RBFOX1: variants seen among roughly 807,000 people sequenced by gnomAD.
The protein encoded by RBFOX1 is RNA binding protein fox-1 homolog 1.
RBFOX1 carries 8 observed loss-of-function variants against 57.7 expected under a neutral mutation model. The observed-to-expected ratio is 0.14, with a 90% CI of 0.08 to 0.25. RBFOX1 has a LOEUF of 0.25. Among genes scored for constraint, RBFOX1 ranks in the 10% least tolerant of loss-of-function variants. The probability of loss-of-function intolerance (pLI) is 1.00; values close to 1 mark genes in which losing one functional copy is unlikely to be tolerated. For synonymous variants in RBFOX1, 326 were observed against 222.4 expected, an observed-to-expected ratio of 1.47 and a Z score of -4.15; for missense variants, 611 against 548.5, an observed-to-expected ratio of 1.11 and a Z score of -1.14.
At chr16:6,015,932 A>G (rs1360052951), upstream of RBFOX1, among the ~76,000 whole-genome samples, 3 of 152,246 alleles carry the variant, frequency 2.0e-5, no homozygotes, top group Non-Finnish European at 2.9e-5. Context: ...AATGGTTTAC[A>G]TGGGGGACTA....
At chr16:5,740,841 T>C (rs2052746132) in intron 3 of RBFOX1, among the ~76,000 whole-genome samples, 1 of 152,120 alleles carries the variant, frequency 6.6e-6, no homozygotes, top group Non-Finnish European at 1.5e-5. Context: ...TCTCCTTGTC[T>C]CTGATGAGGA....
chr16:6,970,749 T>C (rs539323244), intron 3 of RBFOX1, among the ~76,000 whole-genome samples: 3 of 152,318 alleles, frequency 2.0e-5, no homozygotes, highest in South Asian at 2.1e-4. Context: ...TGGGGACATA[T>C]ACATTCAGAC....
chr16:7,281,280 G>A (rs941091460), intron 4 of RBFOX1, among the ~76,000 whole-genome samples: 4 of 151,714 alleles, frequency 2.6e-5, no homozygotes, highest in African/African-American at 9.7e-5. Context: ...TGGGACTACA[G>A]GCGTGAGCCA....
chr16:7,520,274 A>G lies in RBFOX1; in HGVS notation c.270+1885A>G, dbSNP rs371014710. Among the ~76,000 whole-genome samples, 113 of 152,328 alleles carry G rather than the reference A, an allele frequency of 7.4e-4. 1 individual carries two copies. Among genetic ancestry groups the G allele is most frequent in the African/African-American group, 2.6e-3 (106 of 41,566 alleles). On this transcript the variant is annotated intron_variant, in intron 5 of 15. Transcript: ENST00000550418. ...TTTAATTTATTGTGGTAAAATACAT[A>G]TAACATAAAACTTAACCATTTTAAT...
At chr16:7,403,226 G>GT (rs1162856455) in intron 4 of RBFOX1, among the ~76,000 whole-genome samples, 2 of 152,244 alleles carry the variant, frequency 1.3e-5, no homozygotes, top group South Asian at 2.1e-4. Context: ...TCAGAGTTCC[G>GT]TTTTTTGGTG....
At chr16:6,557,761 A>C (rs199600091) in intron 2 of RBFOX1, among the ~76,000 whole-genome samples, 3 of 152,210 alleles carry the variant, frequency 2.0e-5, no homozygotes, top group Non-Finnish European at 4.4e-5. Context: ...GCTGTGAAAA[A>C]TTTCAGACGG....
At chr16:5,282,892 C>T (rs943080634) in intron 1 of RBFOX1, among the ~76,000 whole-genome samples, 3 of 152,176 alleles carry the variant, frequency 2.0e-5, no homozygotes, top group African/African-American at 4.8e-5. Flanking sequence ...TGTGAATCCC[C>T]GTCAATGGGG....
intron 1 of RBFOX1, among the ~76,000 whole-genome samples, chr16:6,232,970 G>C (rs932336127): frequency 6.6e-6 from 1 of 152,124 alleles, no homozygotes; most frequent in Admixed American, 6.5e-5. Flanking sequence ...ATATGGGCAG[G>C]GTAGCCGTAC....
chr16:6,874,397 C>G (rs899548466), intron 3 of RBFOX1, among the ~76,000 whole-genome samples: 10 of 151,248 alleles, frequency 6.6e-5, no homozygotes, highest in African/African-American at 2.2e-4. Flanking sequence ...GTAGTCCCAG[C>G]TACTTAGGAG....
At chr16:6,105,749 A>G (rs930117000) in intron 1 of RBFOX1, among the ~76,000 whole-genome samples, 5 of 151,930 alleles carry the variant, frequency 3.3e-5, no homozygotes, top group African/African-American at 1.2e-4. Flanking sequence ...TAATAACATC[A>G]TTCTGATGGA....
chr16:5,989,510 C>A (rs1282280056), intron 4 of RBFOX1, among the ~76,000 whole-genome samples: 1 of 152,080 alleles, frequency 6.6e-6, no homozygotes, highest in Non-Finnish European at 1.5e-5. Context: ...TTAGTTGCTA[C>A]AAGAGATAGG....
Position 7,257,681 on chromosome 16 carries a change from T to A in RBFOX1, c.27+205583T>A, listed in dbSNP as rs969781227. On this transcript the variant is annotated intron_variant, in intron 4 of 15. Coordinates refer to ENST00000550418, the MANE Select transcript of RBFOX1 (RefSeq NM_018723.4). ...TCTGTAGCCATCCTTGGGTCCAGTG[T>A]TTATTTCTTTGTGGCCAGGAAATCT... Among the ~76,000 whole-genome samples the A allele has an allele frequency of 7.0e-4, 106 of 152,320 alleles. 1 individual carries two copies. The highest frequency in any genetic ancestry group is 2.3e-3 in the African/African-American group (96 of 41,572).
chr16:5,675,862 C>T (rs376474661), intron 3 of RBFOX1, among the ~76,000 whole-genome samples: 1 of 152,112 alleles, frequency 6.6e-6, no homozygotes, highest in Non-Finnish European at 1.5e-5. Context: ...GGGCACAGAG[C>T]TCCTCCTGCT....
chr16:7,309,655 G>T (rs542848412), intron 4 of RBFOX1, among the ~76,000 whole-genome samples: 3 of 152,252 alleles, frequency 2.0e-5, no homozygotes, highest in East Asian at 3.9e-4. Flanking sequence ...ATTTAACCAG[G>T]TTCTCTGCCC....
intron 7 of RBFOX1, among the ~76,000 whole-genome samples, chr16:7,592,188 A>G (rs2094476806): frequency 1.3e-5 from 2 of 152,200 alleles, no homozygotes; most frequent in African/African-American, 4.8e-5. Context: ...AGTAGCTGAC[A>G]AGCAAAGAGA....
chr16:7,192,486 A>T (rs971736292), intron 4 of RBFOX1, among the ~76,000 whole-genome samples: 2 of 152,326 alleles, frequency 1.3e-5, no homozygotes, highest in Admixed American at 1.3e-4. Context: ...GTACTTAGCA[A>T]GCACTCTTCA....
chr16:6,532,081 T>C (rs2096665673), intron 2 of RBFOX1, among the ~76,000 whole-genome samples: 2 of 152,216 alleles, frequency 1.3e-5, no homozygotes, highest in Non-Finnish European at 2.9e-5. Context: ...GCTCCAGTTC[T>C]GGATCCCAGA....
intron 4 of RBFOX1, among the ~76,000 whole-genome samples, chr16:7,196,414 A>G (rs2086705757): frequency 6.6e-6 from 1 of 152,158 alleles, no homozygotes; most frequent in African/African-American, 2.4e-5. Flanking sequence ...GCAGCACAAA[A>G]TCAAGAAACA....
chr16:5,859,267 A>G (rs937607922), intron 3 of RBFOX1, among the ~76,000 whole-genome samples: 1 of 152,184 alleles, frequency 6.6e-6, no homozygotes, highest in Non-Finnish European at 1.5e-5. Flanking sequence ...GCTCTGTTGA[A>G]TGTGGTAGGG....
Sources: allele counts gnomAD v4.1 joint callset (sites outside exome capture counted in the v4.1 genomes callset), GRCh38; gene constraint gnomAD v4.1.1; transcripts MANE v1.5; gene names NCBI Gene and HGNC (gene_info 2026-07-23, HGNC 2026-07-21).